DACH1: variants seen among roughly 807,000 people sequenced by gnomAD.
The protein encoded by DACH1 is dachshund family transcription factor 1.
DACH1 carries 12 observed loss-of-function variants against 54.2 expected under a neutral mutation model. The observed-to-expected ratio is 0.22, with a 90% CI of 0.14 to 0.36. The LOEUF is 0.36. Among genes scored for constraint, DACH1 ranks in the 10% least tolerant of loss-of-function variants. The pLI is 1.00. For synonymous variants in DACH1, 386 were observed against 366.2 expected, an observed-to-expected ratio of 1.05 and a Z score of -0.62; for missense variants, 805 against 929.8, an observed-to-expected ratio of 0.87 and a Z score of 1.75.
intron 4 of DACH1, among the ~76,000 whole-genome samples, chr13:71,561,349 C>T (rs534735833): frequency 1.3e-5 from 2 of 152,152 alleles, no homozygotes; most frequent in Non-Finnish European, 2.9e-5. Flanking sequence ...TCTTTGCAGA[C>T]ATAATTAGTT....
intron 6 of DACH1, among the ~76,000 whole-genome samples, chr13:71,529,184 T>A (rs1882222981): frequency 2.4e-4 from 1 of 4,112 alleles, no homozygotes; most frequent in Non-Finnish European, 7.1e-3. Flanking sequence ...GTGATTTGGG[T>A]TTTTTTTTTT....
chr13:71,802,400 CATT>C (rs1887322319), intron 1 of DACH1, among the ~76,000 whole-genome samples: 1 of 151,896 alleles, frequency 6.6e-6, no homozygotes, highest in South Asian at 2.1e-4. Flanking sequence ...TTGTTTGAAT[CATT>C]ATTAATTTAT....
At chr13:71,765,376 A>T (rs1003994657) in intron 1 of DACH1, among the ~76,000 whole-genome samples, 1 of 152,186 alleles carries the variant, frequency 6.6e-6, no homozygotes, top group Admixed American at 6.5e-5. Context: ...TCACTGTTTC[A>T]GTAAAGGCTC....
chr13:71,685,894 T>C (rs548504065), intron 1 of DACH1, among the ~76,000 whole-genome samples: 7 of 152,272 alleles, frequency 4.6e-5, no homozygotes, highest in South Asian at 2.1e-4. Context: ...CTTTAAGAAG[T>C]GTTTTGTATC....
chr13:71,708,145 A>G (rs1882536918), intron 1 of DACH1, among the ~76,000 whole-genome samples: 1 of 152,006 alleles, frequency 6.6e-6, no homozygotes, highest in South Asian at 2.1e-4. Flanking sequence ...AAAACAAAAT[A>G]AAAACCCTGA....
At chr13:71,769,662 GT>G (rs1430989875) in intron 1 of DACH1, among the ~76,000 whole-genome samples, 1 of 151,628 alleles carries the variant, frequency 6.6e-6, no homozygotes, top group Non-Finnish European at 1.5e-5. Context: ...TAAAACCATT[GT>G]GAAAAAGTAC....
chr13:71,813,714 A>G (rs755471374), intron 1 of DACH1, among the ~76,000 whole-genome samples: 4 of 152,202 alleles, frequency 2.6e-5, no homozygotes, highest in Admixed American at 2.0e-4. Flanking sequence ...AAGACTCAAA[A>G]GCACAAGTTC....
In DACH1 at chr13:71,440,472, G is replaced by A; in HGVS notation, c.*183C>T. 1.9e-6 allele frequency: 1 copy of A among 530,814 alleles called. No homozygotes were observed. The highest frequency in any genetic ancestry group is 2.4e-5 in the South Asian group (1 of 41,884). The allele number at this position is 530,814 out of a possible 1,614,324, so 32.9% of individuals were successfully genotyped here. On this transcript the variant is annotated 3_prime_UTR_variant, in exon 11 of 11. Transcript: ENST00000613252. ...TCTCAGGTCTCTGGTATGAACCACA[G>A]GTGAAAATCAATGGAGAAAACTTTT...
At chr13:71,799,675 T>C (rs1321966292) in intron 1 of DACH1, among the ~76,000 whole-genome samples, 1 of 152,046 alleles carries the variant, frequency 6.6e-6, no homozygotes. Flanking sequence ...CCCAACTAAG[T>C]AGAAGTGGCC....
chr13:71,735,079 C>G (rs538689702), intron 1 of DACH1, among the ~76,000 whole-genome samples: 8 of 148,354 alleles, frequency 5.4e-5, no homozygotes, highest in Admixed American at 6.7e-5. Context: ...ATGGGATATA[C>G]GTATATGGGT....
rs530166570 is a variant in DACH1 at position 71,704,079 on chromosome 13, G to A, written c.849-22169C>T. 2.2e-4 allele frequency: 34 copies of A among 156,464 alleles called. 1 individual carries two copies. The South Asian group carries it at 3.8e-3, about 18-fold the overall frequency. The allele number at this position is 156,464 out of a possible 1,614,324, so 9.7% of individuals were successfully genotyped here. A position where few individuals can be genotyped will look rare whatever the true frequency, so the allele number is the denominator to read the frequency against. On this transcript the variant is annotated intron_variant, in intron 1 of 10. Transcript: ENST00000613252. ...AAATAAGGAAGTGTAGAGACAAACC[G>A]ATTTTAATTAAAAAATACAATATAT...
intron 1 of DACH1, among the ~76,000 whole-genome samples, chr13:71,756,454 C>CTT (rs1393829704): frequency 6.6e-6 from 1 of 151,540 alleles, no homozygotes; most frequent in Non-Finnish European, 1.5e-5. Context: ...CCTTTTAAAA[C>CTT]TTATAATTCA....
intron 1 of DACH1, among the ~76,000 whole-genome samples, chr13:71,747,637 C>G (rs1227464554): frequency 3.4e-4 from 51 of 152,108 alleles, no homozygotes; most frequent in Admixed American, 3.3e-3. Flanking sequence ...ATGTCATGCC[C>G]AGGCTGGCTT....
intron 1 of DACH1, among the ~76,000 whole-genome samples, chr13:71,774,236 A>G (rs1188636730): frequency 6.6e-6 from 1 of 152,184 alleles, no homozygotes; most frequent in Non-Finnish European, 1.5e-5. Context: ...CTGAAAACAG[A>G]TGCAAAATCA....
chr13:71,831,903 C>G (rs1353830477), intron 1 of DACH1, among the ~76,000 whole-genome samples: 1 of 151,928 alleles, frequency 6.6e-6, no homozygotes, highest in Non-Finnish European at 1.5e-5. Flanking sequence ...ACCATGCTCT[C>G]TTTATGGTGG....
intron 1 of DACH1, among the ~76,000 whole-genome samples, chr13:71,836,873 GA>G (rs1462816939): frequency 2.0e-5 from 3 of 151,942 alleles, no homozygotes; most frequent in Admixed American, 2.0e-4. Flanking sequence ...CCCTAACCAT[GA>G]GTGCTAGAAT....
chr13:71,596,104 AT>A (rs112792537), intron 3 of DACH1, among the ~76,000 whole-genome samples: 35 of 149,818 alleles, frequency 2.3e-4, no homozygotes, highest in Admixed American at 7.3e-4. Context: ...ACATATATGT[AT>A]TTTTTTTTTA....
At chr13:71,736,642 G>A (rs1884134709) in intron 1 of DACH1, among the ~76,000 whole-genome samples, 1 of 152,066 alleles carries the variant, frequency 6.6e-6, no homozygotes, top group Admixed American at 6.6e-5. Flanking sequence ...GAAAGAGGGA[G>A]TCAAATCAAT....
In DACH1 at chr13:71,488,993, C is replaced by G; in HGVS notation, c.1722+4G>C. On this transcript the variant is annotated splice_donor_region_variant and intron_variant, in intron 7 of 10. Coordinates refer to ENST00000613252, the MANE Select transcript of DACH1 (RefSeq NM_080759.6). ...TCTTTCTTCCAGGTTGTAAAAAGGC[C>G]TACCTGTATGTTAGTCAGAAGAGTC... 6.2e-7 allele frequency: 1 copy of G among 1,610,462 alleles called. No individual in the cohort carries two copies. Among genetic ancestry groups the G allele is most frequent in the Non-Finnish European group, 8.5e-7 (1 of 1,178,386 alleles).
Sources: allele counts gnomAD v4.1 joint callset (sites outside exome capture counted in the v4.1 genomes callset), GRCh38; gene constraint gnomAD v4.1.1; transcripts MANE v1.5; gene names NCBI Gene and HGNC (gene_info 2026-07-23, HGNC 2026-07-21).